The following ASPH variants were observed in gnomAD, a reference collection of about 807,000 sequenced individuals.
ASPH encodes the protein aspartyl/asparaginyl beta-hydroxylase.
In ASPH, 100 loss-of-function variants were observed where a neutral mutation model predicts 118.4. The observed-to-expected ratio is 0.84, with a 90% CI of 0.72 to 1.00. ASPH has a LOEUF of 1.00. Among genes scored for constraint, ASPH ranks in the 50% least tolerant of loss-of-function variants. ASPH has a pLI of 0.00. For missense variants in ASPH, 920 were observed against 919.5 expected (o/e 1.00, Z -0.01); for synonymous variants, 315 against 325.6 (o/e 0.97, Z 0.35).
At chr8:61,658,788 A>G (rs1411848681) in intron 3 of ASPH, 1 of 152,206 alleles carries the variant, frequency 6.6e-6, no homozygotes, top group Non-Finnish European at 1.5e-5. Context: ...AAAAACACAC[A>G]CACACGGTTT....
chr8:61,642,437 C>T (rs1411653893), intron 10 of ASPH, among the ~76,000 whole-genome samples: 1 of 152,156 alleles, frequency 6.6e-6, no homozygotes, highest in African/African-American at 2.4e-5. Flanking sequence ...AACAGTCTCC[C>T]CAAGTGAATT....
At chr8:61,558,695 A>C (rs1403404134) in intron 18 of ASPH, among the ~76,000 whole-genome samples, 1 of 152,156 alleles carries the variant, frequency 6.6e-6, no homozygotes, top group South Asian at 2.1e-4. Flanking sequence ...GTGCGTGGGT[A>C]CCATGCTCAC....
intron 21 of ASPH, among the ~76,000 whole-genome samples, chr8:61,533,859 G>C (rs1201795341): frequency 6.6e-6 from 1 of 152,180 alleles, no homozygotes; most frequent in Non-Finnish European, 1.5e-5. Context: ...AATACAATTT[G>C]TGCCATTTTA....
At chr8:61,504,405 C>A (rs1805627189) in intron 24 of ASPH, among the ~76,000 whole-genome samples, 1 of 152,128 alleles carries the variant, frequency 6.6e-6, no homozygotes, top group Non-Finnish European at 1.5e-5. Flanking sequence ...CCTGGATTAG[C>A]AAATAATGAC....
chr8:61,578,110 G>C, intron 15 of ASPH: 2 of 1,188,336 alleles, frequency 1.7e-6, no homozygotes, highest in South Asian at 1.6e-5. Flanking sequence ...ACAGGTATTG[G>C]ATAAATGCTC....
At chr8:61,549,332 A>G (rs760061678) in intron 20 of ASPH, among the ~76,000 whole-genome samples, 2 of 152,186 alleles carry the variant, frequency 1.3e-5, no homozygotes, top group Non-Finnish European at 2.9e-5. Flanking sequence ...GATTTTTCCA[A>G]TAACCCCAAA....
At chr8:61,582,150 A>C (rs531256721) in intron 15 of ASPH, among the ~76,000 whole-genome samples, 1 of 152,216 alleles carries the variant, frequency 6.6e-6, no homozygotes, top group South Asian at 2.1e-4. Context: ...TTGTTTCAGA[A>C]GCAAGAATTG....
intron 21 of ASPH, among the ~76,000 whole-genome samples, chr8:61,528,204 C>T (rs1464817088): frequency 6.6e-6 from 1 of 152,138 alleles, no homozygotes; most frequent in East Asian, 1.9e-4. Context: ...GCAAAGATCG[C>T]ATTTCAATAA....
intron 3 of ASPH, among the ~76,000 whole-genome samples, chr8:61,672,439 G>A (rs1823060602): frequency 6.6e-6 from 1 of 151,818 alleles, no homozygotes; most frequent in South Asian, 2.1e-4. Flanking sequence ...TGTTAGCATA[G>A]GTTTGTTATA....
rs1396587595 is a variant in ASPH, at chr8:61,543,894, A to G, written c.1764+4177T>C. 2.0e-5 allele frequency among the ~76,000 whole-genome samples: 3 copies of G among 152,162 alleles called. No individual in the cohort carries two copies. The East Asian group carries it at 5.8e-4, about 29-fold the overall frequency. On this transcript the variant is annotated intron_variant, in intron 21 of 24. Transcript: ENST00000379454. ...CCTGTAGTTGCTCTGGGCACTTGTA[A>G]TGTTAAAAAAAATACCTGCCAATAA...
intron 12 of ASPH, 86 bp from the exon 13 acceptor site, chr8:61,633,813 A>T (rs962689215): frequency 8.9e-6 from 8 of 896,798 alleles, no homozygotes; most frequent in Non-Finnish European, 1.3e-5. Flanking sequence ...TAATGATGAT[A>T]CTTTTCATAG....
intron 14 of ASPH, among the ~76,000 whole-genome samples, chr8:61,586,447 T>C (rs1156712771): frequency 6.6e-6 from 1 of 152,138 alleles, no homozygotes; most frequent in Non-Finnish European, 1.5e-5. Context: ...TGACACCCAA[T>C]TGTCCAAATC....
chr8:61,626,249 G>A, intron 13 of ASPH: 1 of 1,552,512 alleles, frequency 6.4e-7, no homozygotes, highest in East Asian at 2.4e-5. Context: ...CTCCTGTGGT[G>A]GTAGGGGCAG....
intron 17 of ASPH, 109 bp from the exon 18 acceptor site, chr8:61,562,989 T>C (rs918445838): frequency 1.0e-5 from 12 of 1,150,038 alleles, no homozygotes; most frequent in Non-Finnish European, 1.4e-5. Context: ...GAGAACCAGC[T>C]CAAATCTGGC....
chr8:61,639,386 C>T (rs917563157), intron 10 of ASPH, among the ~76,000 whole-genome samples: 3 of 152,110 alleles, frequency 2.0e-5, no homozygotes, highest in Non-Finnish European at 2.9e-5. Flanking sequence ...CCTGCTGAGA[C>T]CCCCTCCAGT....
Position 61,572,610 on chromosome 8 carries a change from T to A in ASPH, c.1149+4162A>T, listed in dbSNP as rs528166533. Among the ~76,000 whole-genome samples the A allele has an allele frequency of 1.1e-4, 17 of 152,234 alleles. No homozygotes were observed. The South Asian group carries it at 3.5e-3, about 32-fold the overall frequency. On this transcript the variant is annotated intron_variant, in intron 16 of 24. Transcript: ENST00000379454. Reference sequence around the variant, plus strand: ...CTCTGATGTTTTTACATCTAATCCATCCTCAAGTCCTTTCAGCTCCACCAA... The same window carrying A: ...CTCTGATGTTTTTACATCTAATCCAACCTCAAGTCCTTTCAGCTCCACCAA...
At chr8:61,644,173 A>G (rs1032030636) in intron 7 of ASPH, among the ~76,000 whole-genome samples, 172 bp from the exon 8 acceptor site, 6 of 152,254 alleles carry the variant, frequency 3.9e-5, no homozygotes, top group African/African-American at 1.4e-4. Flanking sequence ...TTAAATGCCA[A>G]ATGCAAAGAT....
chr8:61,614,635 G>A (rs1848459832), intron 14 of ASPH, among the ~76,000 whole-genome samples: 1 of 152,032 alleles, frequency 6.6e-6, no homozygotes, highest in South Asian at 2.1e-4. Context: ...GCCTGGCTAC[G>A]TGTTGGGTTT....
At chr8:61,711,067 A>G (rs1163341572) in intron 1 of ASPH, among the ~76,000 whole-genome samples, 1 of 109,328 alleles carries the variant, frequency 9.1e-6, no homozygotes, top group Non-Finnish European at 1.9e-5. Context: ...TTTTGAGTAT[A>G]TACAGACGGA....
Sources: gnomAD v4.1 joint callset for allele counts (sites outside exome capture counted in the v4.1 genomes callset) on GRCh38, gnomAD v4.1.1 for gene constraint, MANE v1.5 for transcripts, NCBI Gene and HGNC (gene_info 2026-07-23, HGNC 2026-07-21) for gene names.